KDM4C: variants seen among roughly 807,000 people sequenced by gnomAD.
KDM4C encodes lysine demethylase 4C, also known as lysine-specific demethylase 4C.
In KDM4C, 81 loss-of-function variants were observed where a neutral mutation model predicts 129.3. The ratio of observed to expected loss-of-function variants is 0.63; its 90% confidence interval spans 0.52 to 0.75. KDM4C has a LOEUF of 0.75. KDM4C is among the 30% of genes least tolerant of loss of function. The pLI is 0.00. For synonymous variants in KDM4C, 573 were observed against 456.1 expected (o/e 1.26, Z -3.26); for missense variants, 1,457 against 1,304.0 (o/e 1.12, Z -1.81).
chr9:6,979,993 GAT>G (rs1355236902), intron 8 of KDM4C, among the ~76,000 whole-genome samples: 2 of 152,150 alleles, frequency 1.3e-5, no homozygotes, highest in African/African-American at 4.8e-5. Context: ...TTTGGGTTTG[GAT>G]ATATTAAGAC....
chr9:6,799,449 C>T (rs1588347190), intron 2 of KDM4C, among the ~76,000 whole-genome samples: 1 of 152,214 alleles, frequency 6.6e-6, no homozygotes, highest in Admixed American at 6.5e-5. Context: ...TCTGCAATCG[C>T]AGGCACTCTG....
intron 19 of KDM4C, among the ~76,000 whole-genome samples, chr9:7,131,731 C>T (rs1240855609): frequency 6.6e-6 from 1 of 152,038 alleles, no homozygotes; most frequent in South Asian, 2.1e-4. Flanking sequence ...CTGCTCAGTA[C>T]CCTAATGGAA....
intron 8 of KDM4C, among the ~76,000 whole-genome samples, chr9:6,937,794 C>T (rs1825093324): frequency 6.6e-6 from 1 of 152,138 alleles, no homozygotes; most frequent in Admixed American, 6.5e-5. Flanking sequence ...TCATTGCAAC[C>T]TCTGCCTCCC....
chr9:6,820,367 G>A (rs1010438772), intron 4 of KDM4C, among the ~76,000 whole-genome samples: 1 of 152,220 alleles, frequency 6.6e-6, no homozygotes, highest in African/African-American at 2.4e-5. Context: ...ATTGCAGGTT[G>A]TTTGCTGAGC....
intron 18 of KDM4C, among the ~76,000 whole-genome samples, chr9:7,112,299 A>T (rs529311958): frequency 6.6e-6 from 1 of 152,116 alleles, no homozygotes; most frequent in African/African-American, 2.4e-5. Context: ...TGCGAGGTTT[A>T]TGTGTGGGGC....
intron 12 of KDM4C, among the ~76,000 whole-genome samples, chr9:6,994,581 C>G (rs1586779884): frequency 6.6e-6 from 1 of 152,120 alleles, no homozygotes; most frequent in Non-Finnish European, 1.5e-5. Flanking sequence ...TGAACATTTC[C>G]CTGCAATCAT....
At chr9:6,865,186 T>A (rs1034791526) in intron 5 of KDM4C, among the ~76,000 whole-genome samples, 15 of 151,996 alleles carry the variant, frequency 9.9e-5, no homozygotes, top group African/African-American at 3.6e-4. Flanking sequence ...TTTTTTGTAT[T>A]TTTAGTAGAG....
At chr9:6,941,538 A>C (rs1825938583) in intron 8 of KDM4C, 1 of 152,206 alleles carries the variant, frequency 6.6e-6, no homozygotes, top group African/African-American at 2.4e-5. Flanking sequence ...ACCATATTAC[A>C]TTTCAGGGCC....
rs191729018 is a variant in KDM4C, at chr9:7,108,319, C to T, written c.2610+4449C>T. Among the ~76,000 whole-genome samples the T allele has an allele frequency of 1.6e-3, 248 of 152,250 alleles. 1 individual carries two copies. The highest frequency in any genetic ancestry group is 5.9e-3 in the African/African-American group (244 of 41,540). On this transcript the variant is annotated intron_variant, in intron 18 of 21. Transcript: ENST00000381309. ...TGGCATGATCTCGACTCACTGCAAC[C>T]TCTGCTTCCTGGGCTCAAGTGATCC... is the stretch of plus-strand genomic sequence containing the variant.
At chr9:7,134,455 T>G (rs1840978841) in intron 19 of KDM4C, among the ~76,000 whole-genome samples, 1 of 152,248 alleles carries the variant, frequency 6.6e-6, no homozygotes, top group Admixed American at 6.5e-5. Flanking sequence ...CCGTTATGTT[T>G]ATGTAGCCAA....
intron 4 of KDM4C, among the ~76,000 whole-genome samples, chr9:6,817,464 C>T (rs989827926): frequency 6.6e-6 from 1 of 152,066 alleles, no homozygotes; most frequent in African/African-American, 2.4e-5. Context: ...TTCAGCTTCC[C>T]AAAGTGTTGG....
chr9:6,956,085 G>C (rs1589299128), intron 8 of KDM4C, among the ~76,000 whole-genome samples: 1 of 152,116 alleles, frequency 6.6e-6, no homozygotes, highest in Non-Finnish European at 1.5e-5. Flanking sequence ...TAGAAGGATG[G>C]TTACCAGAGG....
At chr9:6,953,422 A>T (rs1360788342) in intron 8 of KDM4C, among the ~76,000 whole-genome samples, 1 of 152,260 alleles carries the variant, frequency 6.6e-6, no homozygotes, top group East Asian at 1.9e-4. Context: ...TTATTTTCAA[A>T]AGAAACATTT....
At chr9:6,877,555 G>T (rs963721615) in intron 5 of KDM4C, among the ~76,000 whole-genome samples, 3 of 152,170 alleles carry the variant, frequency 2.0e-5, no homozygotes, top group Non-Finnish European at 4.4e-5. Context: ...TTAGAGAACA[G>T]AATTGTTCTT....
intron 15 of KDM4C, among the ~76,000 whole-genome samples, chr9:7,038,884 C>G (rs989822116): frequency 2.0e-5 from 3 of 151,854 alleles, no homozygotes; most frequent in Admixed American, 2.0e-4. Flanking sequence ...CATGTGCTTA[C>G]TGGCAATGAA....
At chr9:7,119,360 A>G (rs920646372) in intron 18 of KDM4C, among the ~76,000 whole-genome samples, 4 of 152,220 alleles carry the variant, frequency 2.6e-5, no homozygotes, top group Non-Finnish European at 5.9e-5. Context: ...ATGGGAAAAG[A>G]TACTATTTTC....
chr9:7,013,779 G>A lies in KDM4C; in HGVS notation c.1969-9G>A. ...TTTTTCACTCATGTGGAAACGTTAT[G>A]TTTTTCAGCCAGATAGCAGCAATGA... On this transcript the variant is annotated splice_polypyrimidine_tract_variant and intron_variant, in intron 13 of 21. Transcript: ENST00000381309. 1.2e-6 allele frequency: 2 copies of A among 1,613,074 alleles called. No individual in the cohort carries two copies. Among genetic ancestry groups the A allele is most frequent in the East Asian group, 2.2e-5 (1 of 44,854 alleles).
In KDM4C at chr9:6,967,811, A is replaced by G. The variant is rs757507968; in HGVS notation, c.922-13114A>G. On this transcript the variant is annotated intron_variant, in intron 8 of 21. Transcript: ENST00000381309. ...GTACTCCATATCCTGGATTCTCATT[A>G]TATTGTGAGTTTTTAGCAGTACAGA... Among the ~76,000 whole-genome samples the G allele has an allele frequency of 2.6e-5, 4 of 152,300 alleles. No homozygotes were observed. In the South Asian group the frequency reaches 6.2e-4, roughly 24 times the overall value.
chr9:7,102,843 A>T (rs941777521), intron 17 of KDM4C, among the ~76,000 whole-genome samples: 3 of 152,132 alleles, frequency 2.0e-5, no homozygotes, highest in Admixed American at 2.0e-4. Flanking sequence ...ACCTAACCCT[A>T]TGTTTTTCCA....
Sources: gnomAD v4.1 joint callset for allele counts (sites outside exome capture counted in the v4.1 genomes callset) on GRCh38, gnomAD v4.1.1 for gene constraint, MANE v1.5 for transcripts, NCBI Gene and HGNC (gene_info 2026-07-23, HGNC 2026-07-21) for gene names.